Variants in PALD1 observed in about 807,000 individuals in gnomAD.
The protein encoded by PALD1 is phosphatase domain containing paladin 1, also known as paladin.
PALD1 carries 57 observed loss-of-function variants against 96.0 expected under a neutral mutation model. The observed-to-expected ratio is 0.59, with a 90% CI of 0.48 to 0.74. The LOEUF (loss-of-function observed/expected upper bound fraction) is 0.74, where lower values mean the gene tolerates loss of function less well. PALD1 is among the 30% of genes least tolerant of loss of function. PALD1 has a pLI of 0.00. For synonymous variants in PALD1, 464 were observed against 473.6 expected (o/e 0.98, Z 0.26); for missense variants, 1,063 against 1,143.7 (o/e 0.93, Z 1.02).
chr10:70,505,460 C>T (rs1469982210), intron 1 of PALD1, among the ~76,000 whole-genome samples: 6 of 151,938 alleles, frequency 3.9e-5, no homozygotes, highest in Admixed American at 2.6e-4. Flanking sequence ...CAAAATTAGC[C>T]GGGCATGGTG....
intron 18 of PALD1, among the ~76,000 whole-genome samples, chr10:70,548,974 T>TCAG (rs753671086): frequency 1.5e-4 from 21 of 141,510 alleles, no homozygotes; most frequent in Middle Eastern, 4.4e-3. Context: ...TTTGGGAGAC[T>TCAG]CAGGCAGGAG....
chr10:70,529,061 G>A (rs972598574), intron 2 of PALD1, among the ~76,000 whole-genome samples, 168 bp from the exon 3 acceptor site: 4 of 152,068 alleles, frequency 2.6e-5, no homozygotes, highest in Non-Finnish European at 2.9e-5. Context: ...TGGGGCTGTC[G>A]TGTTGAGGAA....
In PALD1 at chr10:70,529,931, G is replaced by A. The variant is rs149888345; in HGVS notation, c.331G>A (p.Val111Met). 933 of 1,613,910 alleles carry A rather than the reference G, an allele frequency of 5.8e-4. 1 individual carries two copies. The highest frequency in any genetic ancestry group is 7.2e-4 in the Non-Finnish European group (847 of 1,179,952). ...LVRDVTEKMD[V>M]LGTVGSCGAP... Reference sequence around the variant, plus strand: ...GCGGGATGTCACTGAGAAGATGGATGTGCTGGGCACCGTGGGAAGCTGTGG... The same window carrying A: ...GCGGGATGTCACTGAGAAGATGGATATGCTGGGCACCGTGGGAAGCTGTGG... The change falls in exon 4 of 20, where the codon GTG becomes ATG. Residue 111 changes from valine to methionine, a missense_variant. Val to Met is a conservative substitution (Grantham distance 21). Transcript: ENST00000263563.
chr10:70,529,375 C>A (rs374470200), intron 3 of PALD1, 44 bp downstream of exon 3: 3 of 901,574 alleles, frequency 3.3e-6, no homozygotes, highest in Non-Finnish European at 5.4e-6. Context: ...CTGCCTCCCA[C>A]CCCTATCTCT....
Position 70,540,523 on chromosome 10 carries a change from T to C in PALD1, c.1909-579T>C, listed in dbSNP as rs1236282289. On this transcript the variant is annotated intron_variant, in intron 15 of 19. Transcript: ENST00000263563. This position sits in a 1 kb window ranked among gnomAD's most constrained non-coding sequence, Gnocchi z 4.2. ...TGGTGCGTGTGTCTGGCGTGTGTTG[T>C]AGGTGAGCCACCGTGTGCGTGGTGC... Among the ~76,000 whole-genome samples the C allele has an allele frequency of 1.3e-5, 2 of 151,836 alleles. No individual in the cohort carries two copies. The highest frequency in any genetic ancestry group is 4.8e-5 in the African/African-American group (2 of 41,280).
intron 1 of PALD1, among the ~76,000 whole-genome samples, chr10:70,520,845 G>A (rs1024598899): frequency 6.6e-5 from 10 of 151,382 alleles, no homozygotes; most frequent in African/African-American, 2.4e-4. Context: ...GCGCCTGCCA[G>A]CACACCCGGC....
rs1278655971 is a variant in PALD1, at chr10:70,567,834, G to T, written c.*1101G>T. On this transcript the variant is annotated 3_prime_UTR_variant, in exon 20 of 20. Coordinates refer to ENST00000263563, the MANE Select transcript of PALD1 (RefSeq NM_014431.3). ...ACAGCGGGAAGGCTGCTGGGAACAGGTGGCAGAGAAGTGCCATGTTTGCGT... is the reference window on the plus strand; with the variant it reads ...ACAGCGGGAAGGCTGCTGGGAACAGTTGGCAGAGAAGTGCCATGTTTGCGT... 6.6e-6 allele frequency: 1 copy of T among 152,318 alleles called. No individual in the cohort carries two copies. The highest frequency in any genetic ancestry group is 1.9e-4 in the East Asian group (1 of 5,198). 9.4% of individuals were successfully genotyped at this position (152,318 alleles called of 1,614,324 possible).
At chr10:70,547,491 T>G in intron 18 of PALD1, 45 bp downstream of exon 18, 1 of 1,226,670 alleles carries the variant, frequency 8.2e-7, no homozygotes, top group South Asian at 1.4e-5. Flanking sequence ...CAGCCACCCT[T>G]CCAGGTGTGC....
intron 1 of PALD1, among the ~76,000 whole-genome samples, chr10:70,499,885 A>G (rs2132290137): frequency 6.6e-6 from 1 of 152,348 alleles, no homozygotes; most frequent in South Asian, 2.1e-4. Context: ...ATGCATCAGA[A>G]TGGCCACAAT....
At chr10:70,545,998 A>C (rs997308893) in intron 17 of PALD1, among the ~76,000 whole-genome samples, 3 of 152,092 alleles carry the variant, frequency 2.0e-5, no homozygotes, top group Non-Finnish European at 2.9e-5. Context: ...GCACTTTGGG[A>C]GACTTAGGCG....
intron 1 of PALD1, among the ~76,000 whole-genome samples, chr10:70,507,790 T>TGTGTGG (rs769447114): frequency 7.1e-6 from 1 of 140,494 alleles, no homozygotes; most frequent in South Asian, 2.3e-4. Context: ...TGTGTGTGTG[T>TGTGTGG]GGTGTATGTA....
At position 70,538,961 on chromosome 10, in the gene PALD1, C is replaced by A; in HGVS notation, c.1522C>A (p.Arg508=). Residue 508 remains arginine (R), a synonymous_variant, in exon 13 of 20, where the codon CGG becomes AGG. Coordinates refer to ENST00000263563, the MANE Select transcript of PALD1 (RefSeq NM_014431.3). ...AGAGATGGATGTGGCCAACTTCCGG[C>A]GGGTGCCCCGCATGCCCATCTACGG... The part of the protein sequence containing the change: ...VREMDVANFR[R]VPRMPIYGTA... 1 of 1,613,812 alleles carries A rather than the reference C, an allele frequency of 6.2e-7. No homozygotes were observed. The highest frequency in any genetic ancestry group is 8.5e-7 in the Non-Finnish European group (1 of 1,179,958).
chr10:70,554,333 G>C (rs11597743), intron 18 of PALD1, among the ~76,000 whole-genome samples: 1 of 151,838 alleles, frequency 6.6e-6, no homozygotes, highest in Non-Finnish European at 1.5e-5. Context: ...GGAGGCTGAG[G>C]CAGGAGAATC....
In PALD1 at chr10:70,565,667, C is replaced by T. The variant is rs552012770; in HGVS notation, c.2419-914C>T. 3.3e-5 allele frequency among the ~76,000 whole-genome samples: 5 copies of T among 152,232 alleles called. No individual in the cohort carries two copies. The East Asian group carries it at 5.8e-4, about 18-fold the overall frequency. ...TCAGGTGGAGAAGCATTTGAAATGC[C>T]CCCGGTGCATGTGATGTGTGTTGAG... On this transcript the variant is annotated intron_variant, in intron 19 of 19. Coordinates refer to ENST00000263563, the MANE Select transcript of PALD1 (RefSeq NM_014431.3).
In PALD1 at chr10:70,526,023, T is replaced by G; in HGVS notation, c.72T>G (p.Ser24Arg). The change falls in exon 2 of 20, where the codon AGT becomes AGG. Residue 24 changes from serine (S) to arginine (R), a missense_variant. Coordinates refer to ENST00000263563, the MANE Select transcript of PALD1 (RefSeq NM_014431.3). ...AGTPFEGLQG[S>R]GTMDSRHSVS... ...CCCCATTTGAGGGCCTACAGGGCAGTGGCACGATGGACAGTCGGCACTCCG... is the reference window on the plus strand; with the variant it reads ...CCCCATTTGAGGGCCTACAGGGCAGGGGCACGATGGACAGTCGGCACTCCG... The G allele has an allele frequency of 6.2e-7, 1 of 1,614,170 alleles. No individual in the cohort carries two copies. The highest frequency in any genetic ancestry group is 8.5e-7 in the Non-Finnish European group (1 of 1,180,006).
At chr10:70,520,360 G>A (rs1050193740) in intron 1 of PALD1, among the ~76,000 whole-genome samples, 3 of 152,226 alleles carry the variant, frequency 2.0e-5, no homozygotes, top group African/African-American at 7.2e-5. Flanking sequence ...GATTGGAATG[G>A]TGATGGTTCA....
chr10:70,507,247 C>CAA (rs752281450), intron 1 of PALD1, among the ~76,000 whole-genome samples: 27,319 of 138,316 alleles, frequency 0.2, 2,720 homozygotes, highest in Admixed American at 0.25. Context: ...ACTAAAAATA[C>CAA]AAAAAAAAAA....
At chr10:70,524,954 G>A (rs1846823309) in intron 1 of PALD1, among the ~76,000 whole-genome samples, 1 of 152,156 alleles carries the variant, frequency 6.6e-6, no homozygotes, top group African/African-American at 2.4e-5. Flanking sequence ...CGTTCTTCAA[G>A]TGGGGTGGGA....
intron 1 of PALD1, among the ~76,000 whole-genome samples, chr10:70,501,311 T>G (rs1381629904): frequency 6.6e-6 from 1 of 152,164 alleles, no homozygotes; most frequent in African/African-American, 2.4e-5. Context: ...TTTCTCGGCC[T>G]CCCTGGGCCT....
Sources: gnomAD v4.1 joint callset for allele counts (sites outside exome capture counted in the v4.1 genomes callset) on GRCh38, gnomAD v4.1.1 for gene constraint, Gnocchi (gnomAD v3.1) non-coding constraint, MANE v1.5 for transcripts, NCBI Gene and HGNC (gene_info 2026-07-23, HGNC 2026-07-21) for gene names.